The following MTRF1 variants were observed in gnomAD, a reference collection of about 807,000 sequenced individuals.
The protein encoded by MTRF1 is mitochondrial translation release factor 1.
A neutral mutation model predicts 62.9 loss-of-function variants in MTRF1; 51 were observed. The ratio of observed to expected loss-of-function variants is 0.81; its 90% CI spans 0.65 to 1.02. MTRF1 has a LOEUF of 1.02. Ranked by LOEUF, MTRF1 falls within the 50% of genes least tolerant of loss-of-function variation. The pLI, the probability that MTRF1 is intolerant of heterozygous loss-of-function variation, is 0.00. For synonymous variants in MTRF1, 158 were observed against 181.9 expected (o/e 0.87, Z 1.06); for missense variants, 446 against 530.0 (o/e 0.84, Z 1.56).
chr13:41,250,713 C>T (rs1251927247), intron 5 of MTRF1, among the ~76,000 whole-genome samples: 2 of 152,156 alleles, frequency 1.3e-5, no homozygotes, highest in African/African-American at 2.4e-5. Flanking sequence ...AGGCTGGTCT[C>T]GAACTGTCTC....
chr13:41,311,217 G>A, the MTRF1 span: 1 of 485,990 alleles, frequency 2.1e-6, no homozygotes, highest in Non-Finnish European at 3.6e-6. Flanking sequence ...AGGGCGCTCC[G>A]CGCATGCGCA....
At chr13:41,299,454 A>G in the MTRF1 span, among the ~76,000 whole-genome samples, 1 of 152,134 alleles carries the variant, frequency 6.6e-6, no homozygotes, top group African/African-American at 2.4e-5. Flanking sequence ...CATTTTGGCC[A>G]TTGTAACTTG....
chr13:41,273,088 A>AG, the MTRF1 span, among the ~76,000 whole-genome samples: 561 of 152,234 alleles, frequency 3.7e-3, 3 homozygotes, highest in Non-Finnish European at 5.2e-3. Flanking sequence ...GGACTTTGGG[A>AG]GGCCGAGGCG....
At chr13:41,253,375 C>G (rs765717318) in intron 3 of MTRF1, among the ~76,000 whole-genome samples, 6 of 152,188 alleles carry the variant, frequency 3.9e-5, no homozygotes, top group Non-Finnish European at 7.3e-5. Flanking sequence ...CTTCTTTCAT[C>G]TAATGAATGA....
In MTRF1 at chr13:41,254,530, T is replaced by A. The variant is rs1328376233; in HGVS notation, c.506A>T (p.Glu169Val). Residue 169 changes from glutamate (E) to valine (V), a missense_variant and splice_region_variant, in exon 3 of 10, where the codon GAG (glutamate) becomes GTG (valine). Glu to Val is a moderately radical substitution (Grantham distance 121). Coordinates refer to ENST00000379480, the MANE Select transcript of MTRF1 (RefSeq NM_004294.4). ...IDQKINMLYN[E>V]LFQSLVPKEK... ...ACTAGTCGACCTCTGAAAACCTACC[T>A]CATTGTACAACATGTTGATTTTTTG... is the stretch of plus-strand genomic sequence containing the variant. The A allele has an allele frequency of 6.2e-7, 1 of 1,612,338 alleles. No homozygotes were observed. The highest frequency in any genetic ancestry group is 1.7e-5 in the Admixed American group (1 of 59,982).
intron 5 of MTRF1, chr13:41,252,232 G>C (rs2039155925): frequency 6.6e-6 from 1 of 152,350 alleles, no homozygotes; most frequent in Non-Finnish European, 1.5e-5. Flanking sequence ...AAAGACAAAT[G>C]ATTAACTTTT....
At chr13:41,231,917 G>A (rs918249967) in intron 7 of MTRF1, among the ~76,000 whole-genome samples, 1 of 151,262 alleles carries the variant, frequency 6.6e-6, no homozygotes, top group African/African-American at 2.4e-5. Context: ...AGCCAGGCAT[G>A]GTGGCAAGCG....
chr13:41,259,888 TA>T (rs1342123591), intron 2 of MTRF1, among the ~76,000 whole-genome samples: 2 of 152,036 alleles, frequency 1.3e-5, no homozygotes, highest in Non-Finnish European at 2.9e-5. Context: ...AAACAATACT[TA>T]AATAAGTTTC....
chr13:41,264,036 T>TTCTAA (rs2040746465), upstream of MTRF1, among the ~76,000 whole-genome samples: 1 of 152,182 alleles, frequency 6.6e-6, no homozygotes, highest in South Asian at 2.1e-4. Flanking sequence ...GCATGTGAAA[T>TTCTAA]TACAATAATT....
intron 1 of MTRF1, 29 bp downstream of exon 1, chr13:41,263,456 G>A: frequency 2.7e-6 from 1 of 366,906 alleles, no homozygotes; most frequent in Non-Finnish European, 5.3e-6. Flanking sequence ...AGGAGGCGGC[G>A]GGGAAGATCA....
chr13:41,301,030 G>T, the MTRF1 span, among the ~76,000 whole-genome samples: 1 of 152,066 alleles, frequency 6.6e-6, no homozygotes, highest in Admixed American at 6.5e-5. Context: ...TTTCTCATAG[G>T]GTTTTCATAA....
At chr13:41,234,140 C>G (rs2036077313) in intron 6 of MTRF1, 133 bp from the exon 7 acceptor site, 2 of 713,178 alleles carry the variant, frequency 2.8e-6, no homozygotes, top group Non-Finnish European at 4.7e-6. Context: ...GTAACTTATA[C>G]CAAAGAAAGA....
chr13:41,251,724 T>A (rs2039082710), intron 5 of MTRF1, among the ~76,000 whole-genome samples: 1 of 152,198 alleles, frequency 6.6e-6, no homozygotes, highest in Non-Finnish European at 1.5e-5. Flanking sequence ...TTATTACTGA[T>A]GACTCCTCTG....
the MTRF1 span, among the ~76,000 whole-genome samples, chr13:41,300,414 G>C: frequency 6.6e-6 from 1 of 151,966 alleles, no homozygotes; most frequent in Non-Finnish European, 1.5e-5. Flanking sequence ...GTGAAACCCC[G>C]TCTCTACTAA....
the MTRF1 span, chr13:41,311,507 C>T: frequency 6.3e-7 from 1 of 1,589,348 alleles, no homozygotes. Flanking sequence ...CTGCCGGCCA[C>T]CTAGCCTCCC....
At chr13:41,251,424 G>A (rs1213865094) in intron 5 of MTRF1, among the ~76,000 whole-genome samples, 1 of 152,088 alleles carries the variant, frequency 6.6e-6, no homozygotes, top group East Asian at 1.9e-4. Flanking sequence ...AATCAAAGCT[G>A]TTCAAAATCT....
At chr13:41,284,572 C>A in the MTRF1 span, among the ~76,000 whole-genome samples, 105 of 150,216 alleles carry the variant, frequency 7.0e-4, 1 homozygote, top group Admixed American at 1.9e-3. Flanking sequence ...AAAAAAATTT[C>A]TCTGATAATC....
At chr13:41,243,976 A>T (rs2037897015) in intron 5 of MTRF1, among the ~76,000 whole-genome samples, 1 of 152,288 alleles carries the variant, frequency 6.6e-6, no homozygotes. Flanking sequence ...TACAGTCCTT[A>T]TGTAACAAAT....
At chr13:41,248,556 A>T (rs2038598430) in intron 5 of MTRF1, among the ~76,000 whole-genome samples, 1 of 152,240 alleles carries the variant, frequency 6.6e-6, no homozygotes, top group South Asian at 2.1e-4. Context: ...TTCCCAATTC[A>T]GTGACCAAAG....
Sources: allele counts gnomAD v4.1 joint callset (sites outside exome capture counted in the v4.1 genomes callset), GRCh38; gene constraint gnomAD v4.1.1; transcripts MANE v1.5; gene names NCBI Gene and HGNC (gene_info 2026-07-23, HGNC 2026-07-21).